RBFOX1: variants seen among roughly 807,000 people sequenced by gnomAD.
RBFOX1 encodes RNA binding protein fox-1 homolog 1.
In RBFOX1, 8 loss-of-function variants were observed where a neutral mutation model predicts 57.7. That is an observed-to-expected ratio of 0.14 (90% CI 0.08 to 0.25). The LOEUF is 0.25. Among genes scored for constraint, RBFOX1 ranks in the 10% least tolerant of loss-of-function variants. The pLI, the probability that RBFOX1 is intolerant of heterozygous loss-of-function variation, is 1.00. For synonymous variants in RBFOX1, 326 were observed against 222.4 expected (o/e 1.47, Z -4.15); for missense variants, 611 against 548.5 (o/e 1.11, Z -1.14).
chr16:7,559,905 G>C (rs1039688370), intron 5 of RBFOX1, among the ~76,000 whole-genome samples: 4 of 152,174 alleles, frequency 2.6e-5, no homozygotes, highest in African/African-American at 9.7e-5. Context: ...AGTTGTCTTT[G>C]GTCAACTGTT....
intron 3 of RBFOX1, among the ~76,000 whole-genome samples, chr16:6,944,299 G>C (rs2079071573): frequency 6.6e-6 from 1 of 151,890 alleles, no homozygotes; most frequent in Non-Finnish European, 1.5e-5. Context: ...GGAGGCTGAG[G>C]CAGGAGAATC....
chr16:5,317,000 T>G (rs2064258651), intron 1 of RBFOX1, among the ~76,000 whole-genome samples: 1 of 152,158 alleles, frequency 6.6e-6, no homozygotes, highest in South Asian at 2.1e-4. Context: ...TTTCCTGCCC[T>G]TGGATTTCAG....
At chr16:7,151,841 A>G (rs1824826) in intron 4 of RBFOX1, among the ~76,000 whole-genome samples, 58,932 of 151,714 alleles carry the variant, frequency 0.39, 12,632 homozygotes, top group African/African-American at 0.58. Flanking sequence ...CTTCGCATGC[A>G]CAGTTCACAA....
At chr16:7,265,679 C>G (rs1004107296) in intron 4 of RBFOX1, among the ~76,000 whole-genome samples, 1 of 152,294 alleles carries the variant, frequency 6.6e-6, no homozygotes, top group East Asian at 1.9e-4. Context: ...AAACTCCTGA[C>G]CTCAGGTGAT....
At chr16:7,168,339 C>A (rs562623297) in intron 4 of RBFOX1, among the ~76,000 whole-genome samples, 2 of 152,170 alleles carry the variant, frequency 1.3e-5, no homozygotes, top group Admixed American at 1.3e-4. Context: ...GGAAGTGAAA[C>A]CTTGTCTGAT....
At chr16:7,195,841 C>G (rs963506371) in intron 4 of RBFOX1, among the ~76,000 whole-genome samples, 2 of 152,198 alleles carry the variant, frequency 1.3e-5, no homozygotes, top group East Asian at 3.9e-4. Context: ...GCATGAACCA[C>G]TGTGCCCAGC....
intron 1 of RBFOX1, among the ~76,000 whole-genome samples, chr16:6,021,290 C>T (rs1017752420): frequency 6.6e-6 from 1 of 152,168 alleles, no homozygotes; most frequent in Admixed American, 6.5e-5. Flanking sequence ...CCTGCCATCC[C>T]TTCCCTGCCC....
intron 3 of RBFOX1, among the ~76,000 whole-genome samples, chr16:6,665,661 T>C (rs571228205): frequency 3.3e-5 from 5 of 150,806 alleles, no homozygotes; most frequent in Non-Finnish European, 5.9e-5. Flanking sequence ...GAGTGTCACC[T>C]AATGAAACCT....
intron 2 of RBFOX1, among the ~76,000 whole-genome samples, chr16:6,616,698 G>T (rs1434456402): frequency 2.0e-5 from 3 of 152,154 alleles, no homozygotes; most frequent in African/African-American, 7.2e-5. Flanking sequence ...GCCTCCCAAA[G>T]TTCTGGGATT....
chr16:7,437,459 A>C (rs2098732191), intron 4 of RBFOX1, among the ~76,000 whole-genome samples: 1 of 152,154 alleles, frequency 6.6e-6, no homozygotes, highest in East Asian at 1.9e-4. Context: ...GCGCGTTATT[A>C]ATGTTAAAAA....
intron 1 of RBFOX1, among the ~76,000 whole-genome samples, chr16:6,300,853 G>T (rs759544546): frequency 6.6e-5 from 10 of 152,096 alleles, no homozygotes; most frequent in Non-Finnish European, 1.3e-4. Context: ...TTGTTTTGCT[G>T]TGCCTTCTAT....
intron 4 of RBFOX1, among the ~76,000 whole-genome samples, chr16:7,324,427 G>C (rs1016771010): frequency 1.3e-5 from 2 of 152,126 alleles, no homozygotes; most frequent in Admixed American, 1.3e-4. Context: ...AAGTCCAGCG[G>C]AGTAGCTGCA....
chr16:6,485,944 C>G (rs909495095), intron 2 of RBFOX1, among the ~76,000 whole-genome samples: 3 of 151,542 alleles, frequency 2.0e-5, no homozygotes, highest in Admixed American at 2.0e-4. Flanking sequence ...TGAAGTACAA[C>G]AAAAATAGTT....
chr16:6,521,075 G>A (rs1377683194), intron 2 of RBFOX1, among the ~76,000 whole-genome samples: 1 of 152,118 alleles, frequency 6.6e-6, no homozygotes, highest in Non-Finnish European at 1.5e-5. Context: ...TCCACGCACA[G>A]GAATAGCGGC....
chr16:5,627,600 A>C (rs191865217), intron 3 of RBFOX1, among the ~76,000 whole-genome samples: 1 of 152,360 alleles, frequency 6.6e-6, no homozygotes, highest in East Asian at 1.9e-4. Flanking sequence ...CAACCTTATA[A>C]ATAACAACAA....
At chr16:5,839,737 C>G (rs1250005690) in intron 3 of RBFOX1, among the ~76,000 whole-genome samples, 1 of 152,152 alleles carries the variant, frequency 6.6e-6, no homozygotes, top group Non-Finnish European at 1.5e-5. Flanking sequence ...TGCCATTGCT[C>G]CAGGCATCAC....
intron 1 of RBFOX1, among the ~76,000 whole-genome samples, chr16:6,183,050 C>G (rs543378971): frequency 1.8e-4 from 28 of 152,076 alleles, no homozygotes; most frequent in South Asian, 1.0e-3. Context: ...TCCAGGCAGT[C>G]TTTTAGAAAC....
intron 2 of RBFOX1, among the ~76,000 whole-genome samples, chr16:6,601,856 T>G (rs1025127407): frequency 1.3e-5 from 2 of 152,164 alleles, no homozygotes; most frequent in African/African-American, 4.8e-5. Flanking sequence ...GGTTAGAGCT[T>G]GAAGAGGATG....
chr16:5,459,702 C>T (rs975017988), intron 1 of RBFOX1, among the ~76,000 whole-genome samples: 8 of 152,096 alleles, frequency 5.3e-5, no homozygotes, highest in Admixed American at 1.3e-4. Flanking sequence ...CCTTCCTCCC[C>T]GACTCACAGC....
Sources: gnomAD v4.1 joint callset for allele counts (sites outside exome capture counted in the v4.1 genomes callset) on GRCh38, gnomAD v4.1.1 for gene constraint, MANE v1.5 for transcripts, NCBI Gene and HGNC (gene_info 2026-07-23, HGNC 2026-07-21) for gene names.